The following EBF1 variants were observed in gnomAD, a reference collection of about 807,000 sequenced individuals.
EBF1 encodes transcription factor COE1.
EBF1 carries 10 observed loss-of-function variants against 68.4 expected under a neutral mutation model. The ratio of observed to expected loss-of-function variants is 0.15; its 90% CI spans 0.09 to 0.25. EBF1 has a LOEUF of 0.25. Ranked by LOEUF, EBF1 falls within the 10% of genes least tolerant of loss-of-function variation. EBF1 has a pLI of 1.00. For missense variants in EBF1, 509 were observed against 794.4 expected, an observed-to-expected ratio of 0.64 and a Z score of 4.32; for synonymous variants, 298 against 299.8, an observed-to-expected ratio of 0.99 and a Z score of 0.06.
intron 6 of EBF1, among the ~76,000 whole-genome samples, chr5:159,053,589 C>A: frequency 6.8e-6 from 1 of 147,426 alleles, no homozygotes; most frequent in Non-Finnish European, 1.5e-5. Context: ...CCCCTCTCTC[C>A]CTCTCTCTCT....
At chr5:158,792,517 A>G (rs1778841418) in intron 9 of EBF1, among the ~76,000 whole-genome samples, 1 of 152,104 alleles carries the variant, frequency 6.6e-6, no homozygotes, top group African/African-American at 2.4e-5. Flanking sequence ...CTAAAAAAAG[A>G]CTCTAAATAA....
chr5:158,778,966 C>G (rs1358492133), intron 9 of EBF1, among the ~76,000 whole-genome samples: 1 of 151,226 alleles, frequency 6.6e-6, no homozygotes, highest in Non-Finnish European at 1.5e-5. Flanking sequence ...TCCTGTTGTT[C>G]TTAGCACCTT....
intron 10 of EBF1, among the ~76,000 whole-genome samples, chr5:158,754,176 C>T (rs972556150): frequency 3.9e-5 from 6 of 152,184 alleles, no homozygotes; most frequent in African/African-American, 1.4e-4. Context: ...CTGCATGAAG[C>T]TCTAGCAGAA....
chr5:158,850,058 G>T (rs1354805864), intron 6 of EBF1, among the ~76,000 whole-genome samples: 1 of 152,154 alleles, frequency 6.6e-6, no homozygotes. Context: ...CACACCATTG[G>T]TGTCCTTAAC....
intron 12 of EBF1, 82 bp downstream of exon 12, chr5:158,714,035 G>T (rs1760070218): frequency 1.4e-6 from 2 of 1,433,230 alleles, no homozygotes; most frequent in Non-Finnish European, 2.0e-6. Flanking sequence ...TATATTGTTT[G>T]TGCTTTCTCA....
At chr5:158,984,758 C>G (rs1758677098) in intron 6 of EBF1, 2 of 142,372 alleles carry the variant, frequency 1.4e-5, no homozygotes, top group South Asian at 4.4e-4. Context: ...TTGATCTTAG[C>G]TCACTGCAGC....
chr5:159,061,012 G>T (rs1775698948), intron 6 of EBF1, among the ~76,000 whole-genome samples: 1 of 151,104 alleles, frequency 6.6e-6, no homozygotes, highest in African/African-American at 2.4e-5. Context: ...GGTAAACTAG[G>T]TCTATGATTG....
chr5:159,044,757 A>C (rs1445160493), intron 6 of EBF1, among the ~76,000 whole-genome samples: 2 of 152,262 alleles, frequency 1.3e-5, no homozygotes, highest in Non-Finnish European at 2.9e-5. Flanking sequence ...TTAACTAAGT[A>C]GTGTAATATA....
intron 11 of EBF1, among the ~76,000 whole-genome samples, chr5:158,715,442 C>G (rs953557525): frequency 5.3e-5 from 8 of 152,142 alleles, no homozygotes; most frequent in African/African-American, 1.9e-4. Context: ...ATTTTAAATT[C>G]TCTATAATAT....
At chr5:158,993,974 G>A (rs532602669) in intron 6 of EBF1, among the ~76,000 whole-genome samples, 18 of 152,324 alleles carry the variant, frequency 1.2e-4, no homozygotes, top group Admixed American at 7.8e-4. Context: ...GGTTGTCTCC[G>A]TCACTTTAAG....
intron 6 of EBF1, among the ~76,000 whole-genome samples, chr5:158,901,275 T>C (rs145134872): frequency 3.9e-4 from 59 of 152,358 alleles, no homozygotes; most frequent in Admixed American, 8.5e-4. Context: ...TCTGTAATTG[T>C]CCTCATGTTC....
At chr5:158,826,895 A>T (rs550086717) in intron 7 of EBF1, among the ~76,000 whole-genome samples, 1 of 152,266 alleles carries the variant, frequency 6.6e-6, no homozygotes, top group South Asian at 2.1e-4. Context: ...AAAAGGTATT[A>T]TTCCAATCCC....
chr5:158,773,100 G>A (rs139905969), intron 10 of EBF1, among the ~76,000 whole-genome samples: 1 of 152,094 alleles, frequency 6.6e-6, no homozygotes, highest in East Asian at 1.9e-4. Flanking sequence ...AAGGATGAGG[G>A]GAGTAAAGAA....
At chr5:158,961,003 G>GA (rs1818081997) in intron 6 of EBF1, among the ~76,000 whole-genome samples, 1 of 151,686 alleles carries the variant, frequency 6.6e-6, no homozygotes, top group Admixed American at 6.6e-5. Context: ...GCCCATAAGG[G>GA]AAAAAAATAA....
At chr5:158,895,819 A>G (rs1310470135) in intron 6 of EBF1, among the ~76,000 whole-genome samples, 1 of 152,202 alleles carries the variant, frequency 6.6e-6, no homozygotes, top group Admixed American at 6.5e-5. Context: ...CAGCTGCTGA[A>G]ATGCAACTCA....
At chr5:158,918,191 C>T (rs2127392764) in intron 6 of EBF1, among the ~76,000 whole-genome samples, 1 of 152,338 alleles carries the variant, frequency 6.6e-6, no homozygotes, top group Admixed American at 6.5e-5. Flanking sequence ...TTAAAAAGCC[C>T]TCAAACTACT....
In EBF1 at chr5:158,769,604, T is replaced by TTTG. The variant is rs751558809; in HGVS notation, c.1036+7806_1036+7808dup. Among the ~76,000 whole-genome samples the TTTG allele has an allele frequency of 2.4e-4, 36 of 152,246 alleles. No homozygotes were observed. In the South Asian group the frequency reaches 2.5e-3, roughly 11 times the overall value. The stretch of plus-strand genomic sequence containing the variant: ...AGTACAATGGTTACTTTCAGTGACT[T>TTTG]TTGTTGTTGTTGTTGTTCTCATTAT... On this transcript the variant is annotated intron_variant, in intron 10 of 15. Coordinates refer to ENST00000313708, the MANE Select transcript of EBF1 (RefSeq NM_024007.5).
chr5:158,712,262 A>C lies in EBF1; in HGVS notation c.1441T>G (p.Tyr481Asp). The change falls in exon 14 of 16, where the codon TAT becomes GAT. Residue 481 changes from tyrosine (Y) to aspartate (D), a missense_variant. Tyr to Asp is a radical substitution (Grantham distance 160, BLOSUM62 -3). Coordinates refer to ENST00000313708, the MANE Select transcript of EBF1 (RefSeq NM_024007.5). ...VPSTTPQQTNYNSVTTSMNGY... is the reference protein window; with the variant it reads ...VPSTTPQQTNDNSVTTSMNGY... ...TTCATGCTCGTGGTGACGGAGTTATAGTTGGTCTGCTGGGGAGTGGTGCTC... is the reference window on the plus strand; with the variant it reads ...TTCATGCTCGTGGTGACGGAGTTATCGTTGGTCTGCTGGGGAGTGGTGCTC... The C allele has an allele frequency of 6.2e-7, 1 of 1,614,050 alleles. No homozygotes were observed. The highest frequency in any genetic ancestry group is 8.5e-7 in the Non-Finnish European group (1 of 1,179,998).
chr5:158,845,362 TC>T (rs1791247363), intron 6 of EBF1, among the ~76,000 whole-genome samples: 1 of 152,204 alleles, frequency 6.6e-6, no homozygotes, highest in Non-Finnish European at 1.5e-5. Flanking sequence ...TTAGCTTTAC[TC>T]CTTAATTAAT....
Sources: allele counts gnomAD v4.1 joint callset (sites outside exome capture counted in the v4.1 genomes callset), GRCh38; gene constraint gnomAD v4.1.1; transcripts MANE v1.5; gene names NCBI Gene and HGNC (gene_info 2026-07-23, HGNC 2026-07-21).